TG: variants seen among roughly 807,000 people sequenced by gnomAD.
TG encodes the protein thyroglobulin, also known as thyroid hormones.
Under a neutral mutation model 324.7 loss-of-function variants are expected in TG, and 270 were observed. The ratio of observed to expected loss-of-function variants is 0.83; its 90% CI spans 0.75 to 0.92. The LOEUF (loss-of-function observed/expected upper bound fraction) is 0.92. TG is among the 40% of genes least tolerant of loss of function. The pLI is 0.00. For synonymous variants in TG, 1,401 were observed against 1,327.0 expected (o/e 1.06, Z -1.21); for missense variants, 3,591 against 3,456.4 (o/e 1.04, Z -0.98).
chr8:132,898,893 G>C lies in TG; in HGVS notation c.3313G>C (p.Val1105Leu), dbSNP rs115670342. The C allele has an allele frequency of 3.1e-6, 5 of 1,613,980 alleles. No homozygotes were observed. Among genetic ancestry groups the C allele is most frequent in the Non-Finnish European group, 4.2e-6 (5 of 1,179,914 alleles). Residue 1105 changes from valine to leucine, a missense_variant, in exon 14 of 48, where the codon GTC becomes CTC. By Grantham distance (32) the Val-to-Leu change is conservative. Coordinates refer to ENST00000220616, the MANE Select transcript of TG (RefSeq NM_003235.5). ...AAACCCATCTCCAAAAGACCTGTTC[G>C]TCCCAGCCTGCCTAGAAGTAAGGGT... ...QENPSPKDLF[V>L]PACLETGEYA...
At chr8:133,130,776 T>C (rs1851881619) in intron 45 of TG, among the ~76,000 whole-genome samples, 1 of 152,170 alleles carries the variant, frequency 6.6e-6, no homozygotes, top group Non-Finnish European at 1.5e-5. Context: ...GAGTTTGTGG[T>C]AATTTCTTAG....
At chr8:132,937,728 T>TA (rs1823811824) in intron 25 of TG, among the ~76,000 whole-genome samples, 1 of 151,452 alleles carries the variant, frequency 6.6e-6, no homozygotes, top group Admixed American at 6.6e-5. Context: ...TATGACATTT[T>TA]AAAAAATGCA....
chr8:133,132,458 T>C (rs534899844), intron 46 of TG, among the ~76,000 whole-genome samples: 1 of 152,336 alleles, frequency 6.6e-6, no homozygotes, highest in African/African-American at 2.4e-5. Context: ...CCCTCCTTTA[T>C]TCACCTTGAG....
At chr8:132,916,970 TTTCCTTCC>T (rs1229917685) in intron 20 of TG, among the ~76,000 whole-genome samples, 1 of 149,320 alleles carries the variant, frequency 6.7e-6, no homozygotes, top group Non-Finnish European at 1.5e-5. Flanking sequence ...TCCTTACTTC[TTTCCTTCC>T]TTCCTTCCTT....
chr8:133,100,719 C>T (rs1849109109), intron 43 of TG, among the ~76,000 whole-genome samples: 1 of 152,200 alleles, frequency 6.6e-6, no homozygotes, highest in Admixed American at 6.5e-5. Flanking sequence ...CATCTACCAT[C>T]AACGGTATGC....
chr8:133,044,399 G>A (rs539141651), intron 41 of TG, among the ~76,000 whole-genome samples: 5 of 152,204 alleles, frequency 3.3e-5, no homozygotes, highest in African/African-American at 1.2e-4. Flanking sequence ...GGTCTGTGAA[G>A]GGCACAAAAA....
Position 132,933,575 on chromosome 8 carries a change from G to C in TG, c.4831G>C (p.Glu1611Gln), listed in dbSNP as rs747788493. Residue 1611 changes from glutamate (E) to glutamine (Q), a missense_variant, in exon 24 of 48, where the codon GAG becomes CAG. By Grantham distance (29) the Glu-to-Gln change is conservative. Coordinates refer to ENST00000220616, the MANE Select transcript of TG (RefSeq NM_003235.5). Reference sequence around the variant, plus strand: ...GGTGCTTGCAGATTGCACAGAGGACGAGGCCTGCAGCTTCTTCACCGTGTC... The same window carrying C: ...GGTGCTTGCAGATTGCACAGAGGACCAGGCCTGCAGCTTCTTCACCGTGTC... ...MQCLTDCTED[E>Q]ACSFFTVSTT... is the part of the protein sequence containing the mutation. 12 of 1,613,954 alleles carry C rather than the reference G, an allele frequency of 7.4e-6. No individual in the cohort carries two copies. The highest frequency in any genetic ancestry group is 5.0e-5 in the Admixed American group (3 of 59,990).
At chr8:132,957,500 T>G (rs1827063849) in intron 27 of TG, among the ~76,000 whole-genome samples, 1 of 152,044 alleles carries the variant, frequency 6.6e-6, no homozygotes, top group Non-Finnish European at 1.5e-5. Flanking sequence ...GCATCTATAA[T>G]TTTTGACATT....
At chr8:133,018,548 C>T (rs1835273408) in intron 38 of TG, among the ~76,000 whole-genome samples, 2 of 150,610 alleles carry the variant, frequency 1.3e-5, no homozygotes, top group South Asian at 4.2e-4. Flanking sequence ...TTTTTTAGGG[C>T]ACCCATATCC....
At chr8:133,052,978 A>G (rs1364541327) in intron 41 of TG, among the ~76,000 whole-genome samples, 1 of 152,186 alleles carries the variant, frequency 6.6e-6, no homozygotes, top group African/African-American at 2.4e-5. Flanking sequence ...TGGCCCCCAC[A>G]TATGAATGGG....
intron 39 of TG, among the ~76,000 whole-genome samples, chr8:133,020,020 G>T (rs1051893854): frequency 2.6e-5 from 4 of 152,140 alleles, no homozygotes; most frequent in Admixed American, 6.5e-5. Flanking sequence ...ACTCTAGGAG[G>T]ATAGATAGAT....
At chr8:133,028,905 A>G (rs989250686) in intron 40 of TG, among the ~76,000 whole-genome samples, 1 of 152,150 alleles carries the variant, frequency 6.6e-6, no homozygotes, top group Admixed American at 6.5e-5. Flanking sequence ...ATGGTGCCTC[A>G]TGGAGAAACG....
chr8:132,890,561 TGGAGGACAGAACAG>T (rs1304122612), intron 10 of TG, among the ~76,000 whole-genome samples: 8 of 152,206 alleles, frequency 5.3e-5, no homozygotes, highest in Non-Finnish European at 1.0e-4. Flanking sequence ...AGGACTGGCC[TGGAGGACAGAACAG>T]TAGCTGTCTT....
intron 43 of TG, among the ~76,000 whole-genome samples, chr8:133,106,729 A>G (rs1849836550): frequency 6.6e-6 from 1 of 152,080 alleles, no homozygotes; most frequent in South Asian, 2.1e-4. Flanking sequence ...TGTTCTATGC[A>G]CGAATCTTGT....
At position 132,888,635 on chromosome 8, in the gene TG, C is replaced by T; in HGVS notation, c.2761+67C>T. 6 of 1,430,208 alleles carry T rather than the reference C, an allele frequency of 4.2e-6. No homozygotes were observed. In the South Asian group the frequency reaches 7.1e-5, roughly 17 times the overall value. The allele number at this position is 1,430,208 out of a possible 1,614,324, so 88.6% of individuals were successfully genotyped here. On this transcript the variant is annotated intron_variant, in intron 10 of 47. Transcript: ENST00000220616. ...TGTGTGTGTGTGTATGTGTGTTTAA[C>T]ATATAAAAAAGGATGTCTAGTGGGA...
chr8:132,944,649 C>T (rs186551066), intron 26 of TG, among the ~76,000 whole-genome samples: 1 of 152,300 alleles, frequency 6.6e-6, no homozygotes, highest in East Asian at 1.9e-4. Context: ...GACATAGACA[C>T]TTGTGCTCTA....
chr8:132,891,923 G>A (rs1193763280), intron 10 of TG, among the ~76,000 whole-genome samples: 1 of 152,160 alleles, frequency 6.6e-6, no homozygotes, highest in Non-Finnish European at 1.5e-5. Flanking sequence ...TGGCGAGGGT[G>A]GATTTTGCTA....
In TG at chr8:132,944,557, G is replaced by A. The variant is rs1337747737; in HGVS notation, c.5233+3015G>A. 7.2e-5 allele frequency among the ~76,000 whole-genome samples: 11 copies of A among 152,200 alleles called. No homozygotes were observed. The South Asian group carries it at 2.1e-3, about 29-fold the overall frequency. On this transcript the variant is annotated intron_variant, in intron 26 of 47. Transcript: ENST00000220616. ...GTGCAGAGGAATGCTGCTGAATTGG[G>A]CAGACCCCAAAGTGGGGAAGTGACC...
chr8:133,010,767 C>T (rs766641462), intron 35 of TG, among the ~76,000 whole-genome samples: 4 of 152,164 alleles, frequency 2.6e-5, no homozygotes, highest in Non-Finnish European at 5.9e-5. Context: ...CCAGATGGGA[C>T]GAGCTCACCT....
Sources: allele counts gnomAD v4.1 joint callset (sites outside exome capture counted in the v4.1 genomes callset), GRCh38; gene constraint gnomAD v4.1.1; transcripts MANE v1.5; gene names NCBI Gene and HGNC (gene_info 2026-07-23, HGNC 2026-07-21).